Variants in CSMD1 observed in about 807,000 individuals in gnomAD.
The protein encoded by CSMD1 is CUB and sushi domain-containing protein 1.
Under a neutral mutation model 417.5 loss-of-function variants are expected in CSMD1, and 213 were observed. That is an observed-to-expected ratio of 0.51 (90% CI 0.46 to 0.57). The LOEUF (loss-of-function observed/expected upper bound fraction) is 0.57, where lower values mean the gene tolerates loss of function less well. Ranked by LOEUF, CSMD1 falls within the 20% of genes least tolerant of loss-of-function variation. The probability of loss-of-function intolerance (pLI) is 0.00; values close to 1 mark genes in which losing one functional copy is unlikely to be tolerated. For synonymous variants in CSMD1, 2,862 were observed against 1,736.8 expected, an observed-to-expected ratio of 1.65 and a Z score of -16.11; for missense variants, 6,923 against 4,529.7, an observed-to-expected ratio of 1.53 and a Z score of -15.17.
chr8:3,734,218 T>A (rs1436306433), intron 6 of CSMD1, among the ~76,000 whole-genome samples: 2 of 152,246 alleles, frequency 1.3e-5, no homozygotes, highest in African/African-American at 2.4e-5. Context: ...CATTTCACGA[T>A]GAGAATGGGA....
rs189512799 is a variant in CSMD1, at chr8:4,529,804, C to T, written c.302+107538G>A. Among the ~76,000 whole-genome samples, 62 of 151,454 alleles carry T rather than the reference C, an allele frequency of 4.1e-4. 1 individual carries two copies. In the East Asian group the frequency reaches 0.011, roughly 26 times the overall value. On this transcript the variant is annotated intron_variant, in intron 2 of 69. Coordinates refer to ENST00000635120, the MANE Select transcript of CSMD1 (RefSeq NM_033225.6). ...TGCTGCCGTAGAAAATCTTTAGGTA[C>T]AAATTTTTCATTTAAATCAAAATTC... is the stretch of plus-strand genomic sequence containing the variant.
At chr8:4,135,263 C>T (rs1233409340) in intron 3 of CSMD1, among the ~76,000 whole-genome samples, 4 of 150,308 alleles carry the variant, frequency 2.7e-5, no homozygotes, top group Non-Finnish European at 4.4e-5. Flanking sequence ...CTAATGCCTT[C>T]CTTAACAACC....
chr8:4,738,044 T>A (rs543900269), intron 1 of CSMD1, among the ~76,000 whole-genome samples: 21 of 152,222 alleles, frequency 1.4e-4, no homozygotes, highest in Non-Finnish European at 1.6e-4. Context: ...ATAAGAAAAG[T>A]GGTAATAGTA....
At chr8:3,928,532 G>A (rs908736649) in intron 5 of CSMD1, among the ~76,000 whole-genome samples, 3 of 135,784 alleles carry the variant, frequency 2.2e-5, no homozygotes, top group Non-Finnish European at 4.9e-5. Flanking sequence ...CAGGTTTCAC[G>A]GCCGTTTGTA....
intron 1 of CSMD1, among the ~76,000 whole-genome samples, chr8:4,659,124 TG>T (rs965029228): frequency 3.0e-4 from 46 of 151,768 alleles, no homozygotes; most frequent in African/African-American, 1.0e-3. Context: ...AGTACAAAAA[TG>T]GGTCAAAGAA....
intron 3 of CSMD1, among the ~76,000 whole-genome samples, chr8:4,212,491 C>A (rs373771508): frequency 6.6e-6 from 1 of 151,804 alleles, no homozygotes; most frequent in African/African-American, 2.4e-5. Context: ...CAGATGGAAG[C>A]GATCCTAAAG....
Position 3,214,904 on chromosome 8 carries a change from T to C in CSMD1, c.4673-213A>G, listed in dbSNP as rs192859030. 5.8e-3 allele frequency among the ~76,000 whole-genome samples: 886 copies of C among 152,334 alleles called. 5 individuals carry two copies. Among genetic ancestry groups the C allele is most frequent in the Middle Eastern group, 0.014 (4 of 294 alleles). On this transcript the variant is annotated intron_variant, in intron 29 of 69. Transcript: ENST00000635120. ...AAAATTCCTTTTTAATAAAATTATA[T>C]TTCCATTTTAAAAACCACATTTTGC...
intron 2 of CSMD1, among the ~76,000 whole-genome samples, chr8:4,500,697 T>A (rs968692123): frequency 2.6e-5 from 4 of 152,164 alleles, no homozygotes; most frequent in Admixed American, 2.0e-4. Context: ...GGTGGAGGTT[T>A]TCCTCTTGCG....
At chr8:3,922,532 T>C (rs1190544872) in intron 5 of CSMD1, among the ~76,000 whole-genome samples, 1 of 152,280 alleles carries the variant, frequency 6.6e-6, no homozygotes, top group Admixed American at 6.5e-5. Flanking sequence ...TATTTATTTT[T>C]TGTATACCTA....
At chr8:3,338,256 C>G (rs1422867429) in intron 23 of CSMD1, among the ~76,000 whole-genome samples, 3 of 152,214 alleles carry the variant, frequency 2.0e-5, no homozygotes, top group Non-Finnish European at 2.9e-5. Flanking sequence ...ATCCACGCCT[C>G]TATGCCCAGG....
chr8:4,669,695 C>T (rs2617020), intron 1 of CSMD1, among the ~76,000 whole-genome samples: 69,982 of 151,952 alleles, frequency 0.46, 16,374 homozygotes, highest in Admixed American at 0.57. Flanking sequence ...CTAACTTGAA[C>T]ATTTCTGCTG....
At chr8:3,532,232 C>A (rs952898204) in intron 10 of CSMD1, among the ~76,000 whole-genome samples, 1 of 152,132 alleles carries the variant, frequency 6.6e-6, no homozygotes, top group Admixed American at 6.5e-5. Flanking sequence ...GGGTGTGAGA[C>A]CAAGAACTCT....
intron 3 of CSMD1, among the ~76,000 whole-genome samples, chr8:4,227,139 G>C (rs534140006): frequency 2.0e-5 from 3 of 152,204 alleles, no homozygotes; most frequent in East Asian, 1.9e-4. Context: ...GGGTTTTTTA[G>C]CCCAGAAAGC....
chr8:4,679,235 CT>C (rs1332660538), intron 1 of CSMD1, among the ~76,000 whole-genome samples: 1 of 152,174 alleles, frequency 6.6e-6, no homozygotes, highest in African/African-American at 2.4e-5. Context: ...GGCACTGTTG[CT>C]TTCCTGAGTC....
At chr8:4,018,544 T>C (rs1182009481) in intron 4 of CSMD1, among the ~76,000 whole-genome samples, 1 of 152,160 alleles carries the variant, frequency 6.6e-6, no homozygotes, top group Non-Finnish European at 1.5e-5. Flanking sequence ...GACCAGCCAG[T>C]TACCTGCTTT....
chr8:3,304,336 T>TTAGCTTG (rs1289644147), intron 25 of CSMD1, among the ~76,000 whole-genome samples: 63 of 152,272 alleles, frequency 4.1e-4, no homozygotes, highest in Middle Eastern at 6.8e-3. Context: ...CAAGCTAATA[T>TTAGCTTG]CAAGGCTAAG....
intron 2 of CSMD1, among the ~76,000 whole-genome samples, chr8:4,470,152 C>A (rs988069854): frequency 6.6e-5 from 10 of 151,976 alleles, no homozygotes; most frequent in South Asian, 2.1e-4. Context: ...TTACAGGTGG[C>A]CTTTGGTTTT....
chr8:4,454,222 C>A (rs998250001), intron 2 of CSMD1, among the ~76,000 whole-genome samples: 1 of 152,112 alleles, frequency 6.6e-6, no homozygotes. Context: ...TTATCCACCC[C>A]CAACACCGCC....
At chr8:3,695,602 A>G (rs929530640) in intron 7 of CSMD1, among the ~76,000 whole-genome samples, 1 of 152,314 alleles carries the variant, frequency 6.6e-6, no homozygotes, top group East Asian at 1.9e-4. Context: ...TACTAGAGGA[A>G]AATGTTCACG....
Sources: allele counts gnomAD v4.1 joint callset (sites outside exome capture counted in the v4.1 genomes callset), GRCh38; gene constraint gnomAD v4.1.1; transcripts MANE v1.5; gene names NCBI Gene and HGNC (gene_info 2026-07-23, HGNC 2026-07-21).